Variants in MRPL13 observed in about 807,000 individuals in gnomAD.
MRPL13 encodes the protein mitochondrial ribosomal protein L13.
A neutral mutation model predicts 29.0 loss-of-function variants in MRPL13; 33 were observed. The ratio of observed to expected loss-of-function variants is 1.14; its 90% CI spans 0.86 to 1.52. The LOEUF is 1.52. MRPL13 is among the 40% of genes most tolerant of loss of function. The pLI is 0.00. For missense variants in MRPL13, 227 were observed against 216.7 expected, an observed-to-expected ratio of 1.05 and a Z score of -0.30; for synonymous variants, 77 against 68.4, an observed-to-expected ratio of 1.13 and a Z score of -0.62.
At position 120,425,293 on chromosome 8, in the gene MRPL13, A is replaced by T. The variant is rs753577299; in HGVS notation, c.306+13T>A. On this transcript the variant is annotated intron_variant, in intron 4 of 6. Transcript: ENST00000306185. ...TTTCCAAAGATGATTAATAAAAAAT[A>T]CAAGAAACTTACTGCCACTGGATCC... 4 of 1,603,432 alleles carry T rather than the reference A, an allele frequency of 2.5e-6. No individual in the cohort carries two copies. The highest frequency in any genetic ancestry group is 3.4e-6 in the Non-Finnish European group (4 of 1,171,274).
chr8:120,429,745 T>C (rs970506913), intron 3 of MRPL13, among the ~76,000 whole-genome samples: 2 of 152,186 alleles, frequency 1.3e-5, no homozygotes, highest in African/African-American at 4.8e-5. Context: ...CAGGACCTCC[T>C]GAGCATACCA....
At position 120,414,105 on chromosome 8, in the gene MRPL13, G is replaced by T; in HGVS notation, c.401C>A (p.Pro134Gln). The change falls in exon 6 of 7, where the codon CCA becomes CAA. Residue 134 changes from proline (P) to glutamine (Q), a missense_variant. Physicochemically the swap from Pro to Gln is moderately conservative, Grantham distance 76. Transcript: ENST00000306185. ...TACTAAATTCTTAAGAATATCTTCT[G>T]GAATATACTACATTAAAAAAAAATT... ...RLHLFPDEYI[P>Q]EDILKNLVEE... The T allele has an allele frequency of 6.4e-7, 1 of 1,556,582 alleles. No individual in the cohort carries two copies. The highest frequency in any genetic ancestry group is 8.6e-7 in the Non-Finnish European group (1 of 1,160,078).
At chr8:120,428,330 T>C (rs948891857) in intron 3 of MRPL13, among the ~76,000 whole-genome samples, 1 of 152,044 alleles carries the variant, frequency 6.6e-6, no homozygotes, top group Non-Finnish European at 1.5e-5. Context: ...TTATACCACA[T>C]ACAAAAATTA....
intron 4 of MRPL13, among the ~76,000 whole-genome samples, chr8:120,421,684 A>G (rs768183004): frequency 1.3e-5 from 2 of 152,040 alleles, no homozygotes; most frequent in Non-Finnish European, 2.9e-5. Flanking sequence ...TAACTCTGAA[A>G]TATTTCCTAA....
chr8:120,423,604 T>C (rs1381916678), intron 4 of MRPL13, among the ~76,000 whole-genome samples: 2 of 152,086 alleles, frequency 1.3e-5, no homozygotes, highest in African/African-American at 4.8e-5. Flanking sequence ...GGAAAAATAA[T>C]GGAATAATTG....
chr8:120,396,304 C>A (rs543658243), intron 6 of MRPL13, among the ~76,000 whole-genome samples, 179 bp from the exon 7 acceptor site: 1 of 151,668 alleles, frequency 6.6e-6, no homozygotes, highest in Non-Finnish European at 1.5e-5. Flanking sequence ...TAAAGTAGAA[C>A]AGTTAAGTGA....
intron 2 of MRPL13, among the ~76,000 whole-genome samples, chr8:120,432,371 T>A (rs1813005976): frequency 6.6e-6 from 1 of 152,008 alleles, no homozygotes; most frequent in African/African-American, 2.4e-5. Context: ...TTTAATAAGG[T>A]TGCCAATAAC....
At chr8:120,402,489 C>T (rs895674895) in intron 6 of MRPL13, among the ~76,000 whole-genome samples, 1 of 152,184 alleles carries the variant, frequency 6.6e-6, no homozygotes, top group Non-Finnish European at 1.5e-5. Flanking sequence ...ACACCTAATA[C>T]AAAATTTAAC....
intron 5 of MRPL13, among the ~76,000 whole-genome samples, chr8:120,416,882 T>C (rs2130464937): frequency 6.6e-6 from 1 of 152,344 alleles, no homozygotes; most frequent in South Asian, 2.1e-4. Flanking sequence ...ATTGATGAAA[T>C]ACTTTTTATC....
At chr8:120,427,270 A>T (rs1309446427) in intron 3 of MRPL13, among the ~76,000 whole-genome samples, 1 of 152,186 alleles carries the variant, frequency 6.6e-6, no homozygotes, top group Admixed American at 6.5e-5. Context: ...TTATTTTTAA[A>T]GATAATACTG....
intron 6 of MRPL13, among the ~76,000 whole-genome samples, chr8:120,410,834 T>C (rs1586919894): frequency 6.6e-6 from 1 of 151,796 alleles, no homozygotes; most frequent in Non-Finnish European, 1.5e-5. Context: ...CAGGCTGGAG[T>C]GCAATGGTGC....
At chr8:120,422,702 T>G (rs1361553324) in intron 4 of MRPL13, among the ~76,000 whole-genome samples, 1 of 150,186 alleles carries the variant, frequency 6.7e-6, no homozygotes, top group Non-Finnish European at 1.5e-5. Flanking sequence ...TAAAAATATT[T>G]TTTAAAGTAT....
intron 2 of MRPL13, among the ~76,000 whole-genome samples, chr8:120,442,786 A>AT (rs1370115385): frequency 6.6e-6 from 1 of 152,130 alleles, no homozygotes; most frequent in Non-Finnish European, 1.5e-5. Context: ...AGCACCATAT[A>AT]TTTTTCTAGG....
chr8:120,438,236 C>T (rs567620486), intron 2 of MRPL13, among the ~76,000 whole-genome samples: 4 of 152,236 alleles, frequency 2.6e-5, no homozygotes, highest in South Asian at 2.1e-4. Context: ...TGATGGTACA[C>T]GCCTATAGTC....
At chr8:120,441,379 G>C (rs541885076) in intron 2 of MRPL13, among the ~76,000 whole-genome samples, 1 of 152,250 alleles carries the variant, frequency 6.6e-6, no homozygotes, top group African/African-American at 2.4e-5. Context: ...TAAGGCATGA[G>C]AAGAGGTTCA....
chr8:120,400,551 A>G (rs1812579441), intron 6 of MRPL13, among the ~76,000 whole-genome samples: 1 of 152,120 alleles, frequency 6.6e-6, no homozygotes, highest in African/African-American at 2.4e-5. Flanking sequence ...ACAACCTGAT[A>G]TTGCAACAAA....
chr8:120,440,602 C>A (rs1813107946), intron 2 of MRPL13, among the ~76,000 whole-genome samples: 1 of 134,710 alleles, frequency 7.4e-6, no homozygotes, highest in African/African-American at 2.9e-5. Context: ...GAGACTCTCT[C>A]TCTCTCAAAA....
At chr8:120,415,132 T>C (rs1812788954) in intron 5 of MRPL13, 1 of 152,180 alleles carries the variant, frequency 6.6e-6, no homozygotes, top group Non-Finnish European at 1.5e-5. Context: ...TGAACATTTA[T>C]ATTGTACTCA....
At chr8:120,422,689 T>TGGCCTGGGCGACAGAGCGAGAC (rs1292376283) in intron 4 of MRPL13, among the ~76,000 whole-genome samples, 1 of 151,024 alleles carries the variant, frequency 6.6e-6, no homozygotes, top group Non-Finnish European at 1.5e-5. Context: ...TTAATATTGT[T>TGGCCTGGGCGACAGAGCGAGAC]TATAAAAATA....
Sources: gnomAD v4.1 joint callset for allele counts (sites outside exome capture counted in the v4.1 genomes callset) on GRCh38, gnomAD v4.1.1 for gene constraint, MANE v1.5 for transcripts, NCBI Gene and HGNC (gene_info 2026-07-23, HGNC 2026-07-21) for gene names.